SMAP1: variants seen among roughly 807,000 people sequenced by gnomAD.
The protein encoded by SMAP1 is stromal membrane-associated protein 1.
Under a neutral mutation model 58.5 loss-of-function variants are expected in SMAP1, and 24 were observed. The ratio of observed to expected loss-of-function variants is 0.41; its 90% CI spans 0.30 to 0.58. The LOEUF (loss-of-function observed/expected upper bound fraction) is 0.58. SMAP1 is among the 20% of genes least tolerant of loss of function. The probability of loss-of-function intolerance (pLI) is 0.29; values close to 1 mark genes in which losing one functional copy is unlikely to be tolerated. For synonymous variants in SMAP1, 216 were observed against 196.6 expected (o/e 1.10, Z -0.82); for missense variants, 563 against 566.3 (o/e 0.99, Z 0.06).
chr6:70,791,331 C>T (rs1032184111), intron 4 of SMAP1, among the ~76,000 whole-genome samples: 12 of 152,032 alleles, frequency 7.9e-5, no homozygotes, highest in South Asian at 2.1e-4. Context: ...TGTGTCTTTA[C>T]GTTTCAGAGC....
intron 1 of SMAP1, among the ~76,000 whole-genome samples, chr6:70,699,104 C>T (rs1176418134): frequency 6.6e-6 from 1 of 152,218 alleles, no homozygotes; most frequent in Admixed American, 6.5e-5. Context: ...GCAGCTGCAT[C>T]TGCATTAGTG....
At chr6:70,689,510 T>C (rs1767069317) in intron 1 of SMAP1, among the ~76,000 whole-genome samples, 1 of 152,236 alleles carries the variant, frequency 6.6e-6, no homozygotes, top group South Asian at 2.1e-4. Context: ...GTAGTGTAAG[T>C]CTTCCAACTT....
intron 1 of SMAP1, among the ~76,000 whole-genome samples, chr6:70,675,141 T>TAA (rs79670208): frequency 1.1e-4 from 13 of 122,290 alleles, no homozygotes; most frequent in African/African-American, 1.8e-4. Flanking sequence ...TGGAGAATGT[T>TAA]AAAAAAAAAA....
chr6:70,723,261 G>GGACT (rs1291348609), intron 1 of SMAP1, among the ~76,000 whole-genome samples: 2 of 152,084 alleles, frequency 1.3e-5, no homozygotes, highest in Admixed American at 6.6e-5. Context: ...CAGGTAGCTG[G>GGACT]GACTATAGGC....
intron 1 of SMAP1, among the ~76,000 whole-genome samples, chr6:70,708,557 G>A (rs1183940541): frequency 6.6e-6 from 1 of 152,084 alleles, no homozygotes; most frequent in Non-Finnish European, 1.5e-5. Flanking sequence ...TTCCATAATA[G>A]CTGTACCAAT....
intron 4 of SMAP1, among the ~76,000 whole-genome samples, chr6:70,781,489 T>C (rs1301703479): frequency 6.6e-6 from 1 of 152,208 alleles, no homozygotes; most frequent in Non-Finnish European, 1.5e-5. Context: ...AGCTTCATGG[T>C]ATACTAAAAG....
At chr6:70,748,275 A>G (rs1766130937) in intron 2 of SMAP1, among the ~76,000 whole-genome samples, 1 of 152,218 alleles carries the variant, frequency 6.6e-6, no homozygotes, top group Non-Finnish European at 1.5e-5. Flanking sequence ...AGTTTTTAAA[A>G]ATATGTATAT....
chr6:70,734,837 G>A (rs953717408), intron 2 of SMAP1: 7 of 153,534 alleles, frequency 4.6e-5, no homozygotes, highest in African/African-American at 1.7e-4. Context: ...TTTGGACCAA[G>A]TAGAGAGTAA....
intron 5 of SMAP1, among the ~76,000 whole-genome samples, chr6:70,794,613 T>C (rs1362275961): frequency 6.6e-6 from 1 of 152,052 alleles, no homozygotes; most frequent in South Asian, 2.1e-4. Context: ...CCAAGTGATA[T>C]CATTGTTCAG....
chr6:70,687,072 G>A (rs1001283642), intron 1 of SMAP1, among the ~76,000 whole-genome samples: 3 of 152,072 alleles, frequency 2.0e-5, no homozygotes, highest in African/African-American at 7.2e-5. Flanking sequence ...CTATTTAACC[G>A]AATTTAAACA....
chr6:70,738,457 GAAAA>G (rs11306206), intron 2 of SMAP1, among the ~76,000 whole-genome samples: 7 of 132,826 alleles, frequency 5.3e-5, no homozygotes, highest in Non-Finnish European at 9.8e-5. Flanking sequence ...TTTCTATTAA[GAAAA>G]AAAAAAAAAA....
At chr6:70,709,797 G>A (rs1767978312) in intron 1 of SMAP1, among the ~76,000 whole-genome samples, 1 of 151,986 alleles carries the variant, frequency 6.6e-6, no homozygotes, top group African/African-American at 2.4e-5. Flanking sequence ...TAGGTAGCAT[G>A]GACATTTTAA....
At chr6:70,757,723 A>G (rs1431542774) in intron 3 of SMAP1, among the ~76,000 whole-genome samples, 3 of 152,222 alleles carry the variant, frequency 2.0e-5, no homozygotes, top group African/African-American at 4.8e-5. Flanking sequence ...ATGAACAGAC[A>G]CTTCTCAAAA....
intron 2 of SMAP1, among the ~76,000 whole-genome samples, chr6:70,751,608 G>T (rs908820337): frequency 6.6e-6 from 1 of 151,982 alleles, no homozygotes; most frequent in Non-Finnish European, 1.5e-5. Context: ...GACAGGGAAT[G>T]ATGTGACTTC....
At chr6:70,681,472 G>A (rs573674345) in intron 1 of SMAP1, among the ~76,000 whole-genome samples, 20 of 152,182 alleles carry the variant, frequency 1.3e-4, no homozygotes, top group African/African-American at 3.1e-4. Flanking sequence ...TACTTCTTTC[G>A]CTGATGTTAA....
At chr6:70,790,118 T>G (rs1768278379) in intron 4 of SMAP1, among the ~76,000 whole-genome samples, 1 of 152,192 alleles carries the variant, frequency 6.6e-6, no homozygotes, top group Admixed American at 6.5e-5. Flanking sequence ...TCTTCTAAAG[T>G]GATCGTACGG....
intron 7 of SMAP1, among the ~76,000 whole-genome samples, chr6:70,849,433 A>C (rs1326454282): frequency 1.3e-4 from 5 of 38,560 alleles, no homozygotes; most frequent in Non-Finnish European, 1.6e-4. Flanking sequence ...ATAATAATAA[A>C]AAAAACACAT....
chr6:70,823,444 C>G (rs1769980638), intron 6 of SMAP1, among the ~76,000 whole-genome samples: 1 of 152,100 alleles, frequency 6.6e-6, no homozygotes, highest in African/African-American at 2.4e-5. Flanking sequence ...TAATAAAACT[C>G]CTAGCAGGTC....
At chr6:70,719,181 C>T (rs1320884231) in intron 1 of SMAP1, among the ~76,000 whole-genome samples, 1 of 152,018 alleles carries the variant, frequency 6.6e-6, no homozygotes, top group African/African-American at 2.4e-5. Flanking sequence ...TTATAGAGTG[C>T]TTTCATTATA....
Sources: allele counts gnomAD v4.1 joint callset (sites outside exome capture counted in the v4.1 genomes callset), GRCh38; gene constraint gnomAD v4.1.1; transcripts MANE v1.5; gene names NCBI Gene and HGNC (gene_info 2026-07-23, HGNC 2026-07-21).